The following PIEZO2 variants were observed in gnomAD, a reference collection of about 807,000 sequenced individuals.
PIEZO2 encodes the protein piezo-type mechanosensitive ion channel component 2.
A neutral mutation model predicts 337.3 loss-of-function variants in PIEZO2; 172 were observed. That is an observed-to-expected ratio of 0.51 (90% CI 0.45 to 0.58). PIEZO2 has a LOEUF of 0.58. Ranked by LOEUF, PIEZO2 falls within the 20% of genes least tolerant of loss-of-function variation. The pLI, the probability that PIEZO2 is intolerant of heterozygous loss-of-function variation, is 0.00. For missense variants in PIEZO2, 3,028 were observed against 3,391.3 expected, an observed-to-expected ratio of 0.89 and a Z score of 2.66; for synonymous variants, 1,251 against 1,228.5, an observed-to-expected ratio of 1.02 and a Z score of -0.38.
chr18:10,938,643 G>C (rs2145233033), intron 3 of PIEZO2, among the ~76,000 whole-genome samples: 1 of 152,306 alleles, frequency 6.6e-6, no homozygotes, highest in East Asian at 1.9e-4. Context: ...TAAACATACT[G>C]AAAGATTCTT....
chr18:10,871,607 G>A (rs969678532), intron 4 of PIEZO2, among the ~76,000 whole-genome samples, 192 bp from the exon 5 acceptor site: 6 of 152,316 alleles, frequency 3.9e-5, no homozygotes, highest in Admixed American at 3.9e-4. Context: ...GAAGATTCCA[G>A]TGTTCCCTGG....
Position 11,099,097 on chromosome 18 carries a change from C to A in PIEZO2, c.65-32875G>T, listed in dbSNP as rs974808742. ...GGGATTACAGGCATCAGCCACTGCA[C>A]CTGGCCTTTTAAAAAGACTGCAGAT... On this transcript the variant is annotated intron_variant, in intron 1 of 55. Coordinates refer to ENST00000674853, the MANE Select transcript of PIEZO2 (RefSeq NM_001378183.1). The surrounding 1 kb of genome is among the most constrained non-coding windows in gnomAD (Gnocchi z 5.4). Among the ~76,000 whole-genome samples, 5 of 152,156 alleles carry A rather than the reference C, an allele frequency of 3.3e-5. No homozygotes were observed. The South Asian group carries it at 1.0e-3, about 32-fold the overall frequency.
chr18:11,148,625 C>T lies in PIEZO2; in HGVS notation c.-37G>A. On this transcript the variant is annotated 5_prime_UTR_variant, in exon 1 of 56. Coordinates refer to ENST00000674853, the MANE Select transcript of PIEZO2 (RefSeq NM_001378183.1). The surrounding 1 kb of genome is among the most constrained non-coding windows in gnomAD (Gnocchi z 5.2). ...GGCGAGTCGGAGCAGAGGGGCGAGG[C>T]TCGAGGGTCCCTAGGGGTGGTGGGA... 6.5e-7 allele frequency: 1 copy of T among 1,535,696 alleles called. No individual in the cohort carries two copies. The highest frequency in any genetic ancestry group is 8.7e-7 in the Non-Finnish European group (1 of 1,145,846).
At chr18:10,936,936 T>TC (rs1209694321) in intron 3 of PIEZO2, among the ~76,000 whole-genome samples, 1 of 152,060 alleles carries the variant, frequency 6.6e-6, no homozygotes, top group Non-Finnish European at 1.5e-5. Flanking sequence ...TCCTTGTGAA[T>TC]CCCCCCATGA....
chr18:10,806,782 T>C (rs1426922870), intron 8 of PIEZO2, among the ~76,000 whole-genome samples: 1 of 152,206 alleles, frequency 6.6e-6, no homozygotes. Flanking sequence ...TAATACCTAT[T>C]CTATTGATCA....
chr18:10,991,174 A>G, intron 2 of PIEZO2, among the ~76,000 whole-genome samples: 1 of 151,300 alleles, frequency 6.6e-6, no homozygotes, highest in Non-Finnish European at 1.5e-5. Flanking sequence ...ACACACACAC[A>G]CACACACACA....
rs1170719268 is a variant in PIEZO2, at chr18:11,070,891, G to A, written c.65-4669C>T. Among the ~76,000 whole-genome samples, 1 of 152,116 alleles carries A rather than the reference G, an allele frequency of 6.6e-6. No individual in the cohort carries two copies. Among genetic ancestry groups the A allele is most frequent in the African/African-American group, 2.4e-5 (1 of 41,406 alleles). On this transcript the variant is annotated intron_variant, in intron 1 of 55. Transcript: ENST00000674853. The surrounding 1 kb of genome is among the most constrained non-coding windows in gnomAD (Gnocchi z 4.3). ...GAGGGGACACATCAGGATGCGAGTG[G>A]CGGGTACCCAGACAGGAAGACCAGA...
intron 1 of PIEZO2, among the ~76,000 whole-genome samples, chr18:11,068,343 A>C (rs1298708296): frequency 6.6e-6 from 1 of 152,226 alleles, no homozygotes; most frequent in Admixed American, 6.5e-5. Flanking sequence ...TCCAACCACA[A>C]TGGTACAAAA....
Position 10,714,824 on chromosome 18 carries a change from G to A in PIEZO2, c.5363C>T (p.Ala1788Val), listed in dbSNP as rs1346633014. The change falls in exon 39 of 56, where the codon GCT becomes GTT. Residue 1788 changes from alanine (A) to valine (V), a missense_variant. Ala to Val is a moderately conservative substitution (Grantham distance 64, BLOSUM62 0). Coordinates refer to ENST00000674853, the MANE Select transcript of PIEZO2 (RefSeq NM_001378183.1). ...CCTGTGGGCTGTCTGTGCACCTGAAGCAGCTCCGGGATGCTCGTCAATGGT... is the reference window on the plus strand; with the variant it reads ...CCTGTGGGCTGTCTGTGCACCTGAAACAGCTCCGGGATGCTCGTCAATGGT... ...LDTIDEHPGA[A>V]SGAQTAHRMD... The A allele has an allele frequency of 2.6e-6, 4 of 1,537,266 alleles. No homozygotes were observed. Among genetic ancestry groups the A allele is most frequent in the Middle Eastern group, 1.7e-4 (1 of 5,990 alleles).
intron 2 of PIEZO2, among the ~76,000 whole-genome samples, chr18:11,045,869 G>A (rs566177316): frequency 2.6e-5 from 4 of 152,276 alleles, no homozygotes; most frequent in South Asian, 2.1e-4. Flanking sequence ...GAGGGGCTAC[G>A]TCTGGTTTTG....
Position 10,868,574 on chromosome 18 carries a change from T to TG in PIEZO2, c.492+2678_492+2679insC, listed in dbSNP as rs2042062993. Among the ~76,000 whole-genome samples the TG allele has an allele frequency of 4.6e-5, 7 of 152,304 alleles. No homozygotes were observed. The South Asian group carries it at 1.4e-3, about 32-fold the overall frequency. On this transcript the variant is annotated intron_variant, in intron 5 of 55. Coordinates refer to ENST00000674853, the MANE Select transcript of PIEZO2 (RefSeq NM_001378183.1). ...CTGAGAAGGAAAATAATTCCATAAT[T>TG]ATATTTAGTATTTTCAATGTCCCTA...
At chr18:11,122,998 C>CATT (rs1568393037) in intron 1 of PIEZO2, among the ~76,000 whole-genome samples, 2,239 of 151,106 alleles carry the variant, frequency 0.015, 56 homozygotes, top group African/African-American at 0.051. Flanking sequence ...TAATGTGCGG[C>CATT]TTTTTCCCAA....
At position 10,899,583 on chromosome 18, in the gene PIEZO2, A is replaced by C. The variant is rs2042991535; in HGVS notation, c.329+11603T>G. 6.6e-6 allele frequency among the ~76,000 whole-genome samples: 1 copy of C among 152,212 alleles called. No individual in the cohort carries two copies. The highest frequency in any genetic ancestry group is 2.4e-5 in the African/African-American group (1 of 41,460). ...CAGACTTGCACGTAGGATGCAGAAC[A>C]AATAAGAAATATGAAGCCTTCTCTT... On this transcript the variant is annotated intron_variant, in intron 4 of 55. Transcript: ENST00000674853. This position sits in a 1 kb window ranked among gnomAD's most constrained non-coding sequence, Gnocchi z 4.6.
chr18:10,677,855 T>C lies in PIEZO2; in HGVS notation c.7973A>G (p.Lys2658Arg). The C allele has an allele frequency of 6.3e-7, 1 of 1,595,904 alleles. No individual in the cohort carries two copies. The highest frequency in any genetic ancestry group is 8.5e-7 in the Non-Finnish European group (1 of 1,175,876). Residue 2658 changes from lysine to arginine, a missense_variant, in exon 53 of 56, where the codon AAA becomes AGA. Around this residue, in one of 5 missense-constraint regions of PIEZO2, gnomAD observed 332 missense variants for 363.8 expected, o/e 0.91. Transcript: ENST00000674853. This position sits in a 1 kb window ranked among gnomAD's most constrained non-coding sequence, Gnocchi z 4.1. The stretch of plus-strand genomic sequence containing the variant: ...AAGCTTATCTGTTGCTATTTCCGAT[T>C]TTGCACCCAGACTTAAGTTTCTGTG... The part of the protein sequence containing the change: ...SIQRNLSLGA[K>R]SEIATDKLSF...
chr18:10,736,831 T>A (rs561164751), intron 33 of PIEZO2, 121 bp from the exon 34 acceptor site: 3 of 1,139,974 alleles, frequency 2.6e-6, no homozygotes, highest in Non-Finnish European at 3.6e-6. Flanking sequence ...ACGAAAGATG[T>A]TGGCAGAGAG....
Position 10,791,584 on chromosome 18 carries a change from C to A in PIEZO2, c.1759-260G>T, listed in dbSNP as rs539211300. The stretch of plus-strand genomic sequence containing the variant: ...AGGAAGATGAACCCAACCTTTCTAA[C>A]AACTTCCACCTGGGCAGGAAATCAG... On this transcript the variant is annotated intron_variant, in intron 13 of 55. Coordinates refer to ENST00000674853, the MANE Select transcript of PIEZO2 (RefSeq NM_001378183.1). 51 of 249,834 alleles carry A rather than the reference C, an allele frequency of 2.0e-4. No individual in the cohort carries two copies. In the East Asian group the frequency reaches 5.1e-3, roughly 25 times the overall value. 15.5% of individuals were successfully genotyped at this position (249,834 alleles called of 1,614,324 possible).
intron 4 of PIEZO2, chr18:10,908,638 T>C (rs1035378371): frequency 1.3e-5 from 2 of 152,198 alleles, no homozygotes; most frequent in Non-Finnish European, 2.9e-5. Context: ...CAGAATACTG[T>C]TGGCCCTTAA....
In PIEZO2 at chr18:10,899,452, A is replaced by T. The variant is rs2042987605; in HGVS notation, c.329+11734T>A. ...AAAGCTGTCATTTTAATTGAGCAGTAATGTCTTTGTCTCCAGTAAGGTGCT... is the reference window on the plus strand; with the variant it reads ...AAAGCTGTCATTTTAATTGAGCAGTTATGTCTTTGTCTCCAGTAAGGTGCT... On this transcript the variant is annotated intron_variant, in intron 4 of 55. Coordinates refer to ENST00000674853, the MANE Select transcript of PIEZO2 (RefSeq NM_001378183.1). The surrounding 1 kb of genome is among the most constrained non-coding windows in gnomAD (Gnocchi z 4.6). Among the ~76,000 whole-genome samples the T allele has an allele frequency of 6.6e-6, 1 of 152,204 alleles. No individual in the cohort carries two copies. Among genetic ancestry groups the T allele is most frequent in the Non-Finnish European group, 1.5e-5 (1 of 68,032 alleles).
Position 10,795,735 on chromosome 18 carries a change from A to G in PIEZO2, c.1528-733T>C, listed in dbSNP as rs117569243. Among the ~76,000 whole-genome samples, 675 of 152,262 alleles carry G rather than the reference A, an allele frequency of 4.4e-3. 20 individuals carry two copies. The South Asian group carries it at 0.085, about 19-fold the overall frequency. ...AGCACCTGGACTGAGTGCCTGGGGA[A>G]ACCGTGCCTAGGTTCTGTGTCCCTT... is the stretch of plus-strand genomic sequence containing the variant. On this transcript the variant is annotated intron_variant, in intron 12 of 55. Coordinates refer to ENST00000674853, the MANE Select transcript of PIEZO2 (RefSeq NM_001378183.1). The surrounding 1 kb of genome is among the most constrained non-coding windows in gnomAD (Gnocchi z 4.4).
Sources: allele counts gnomAD v4.1 joint callset (sites outside exome capture counted in the v4.1 genomes callset), GRCh38; gene constraint gnomAD v4.1.1; regional missense constraint gnomAD v4.1.1; non-coding constraint Gnocchi (gnomAD v3.1); transcripts MANE v1.5; gene names NCBI Gene and HGNC (gene_info 2026-07-23, HGNC 2026-07-21).